Variants in CNOT4 observed in about 807,000 individuals in gnomAD.
CNOT4 encodes the protein CCR4-associated factor 4.
A neutral mutation model predicts 73.8 loss-of-function variants in CNOT4; 8 were observed. The ratio of observed to expected loss-of-function variants is 0.11; its 90% CI spans 0.06 to 0.20. The LOEUF (loss-of-function observed/expected upper bound fraction) is 0.20. Among genes scored for constraint, CNOT4 ranks in the 10% least tolerant of loss-of-function variants. The pLI is 1.00. For missense variants in CNOT4, 564 were observed against 883.4 expected, an observed-to-expected ratio of 0.64 and a Z score of 4.58; for synonymous variants, 293 against 321.1, an observed-to-expected ratio of 0.91 and a Z score of 0.94.
chr7:135,418,736 T>C (rs1798011674), intron 3 of CNOT4, among the ~76,000 whole-genome samples: 1 of 152,200 alleles, frequency 6.6e-6, no homozygotes, highest in South Asian at 2.1e-4. Flanking sequence ...TTATCACATA[T>C]ACCCAGGGCA....
At chr7:135,421,927 C>T (rs1798218000) in intron 3 of CNOT4, among the ~76,000 whole-genome samples, 1 of 152,166 alleles carries the variant, frequency 6.6e-6, no homozygotes, top group African/African-American at 2.4e-5. Flanking sequence ...AGTTCAACTC[C>T]TTAGTTTTAG....
intron 10 of CNOT4, among the ~76,000 whole-genome samples, chr7:135,372,373 G>A (rs1310079570): frequency 6.6e-6 from 1 of 152,126 alleles, no homozygotes; most frequent in African/African-American, 2.4e-5. Context: ...TCGCTATTTT[G>A]CAAATACCAC....
At chr7:135,429,295 C>A (rs528317143) in intron 2 of CNOT4, among the ~76,000 whole-genome samples, 1 of 151,966 alleles carries the variant, frequency 6.6e-6, no homozygotes, top group Non-Finnish European at 1.5e-5. Flanking sequence ...ATCATTTTTC[C>A]CTCCTTTCAT....
chr7:135,506,858 AAAAGAAAAGAAAAAG>A (rs1804408641), intron 1 of CNOT4, among the ~76,000 whole-genome samples: 1 of 151,870 alleles, frequency 6.6e-6, no homozygotes, highest in South Asian at 2.1e-4. Context: ...AAAAAAAAAG[AAAAGAAAAGAAAAAG>A]AAAGAAAAGA....
Position 135,365,795 on chromosome 7 carries a change from T to C in CNOT4, c.1628-1729A>G, listed in dbSNP as rs558724532. On this transcript the variant is annotated intron_variant, in intron 10 of 11. Transcript: ENST00000541284. ...AGATATTGTGACTAAAGGAAGAAACTGGACTTTGCGGCCAGGAGAAAAAAA... is the reference window on the plus strand; with the variant it reads ...AGATATTGTGACTAAAGGAAGAAACCGGACTTTGCGGCCAGGAGAAAAAAA... 7.9e-5 allele frequency among the ~76,000 whole-genome samples: 12 copies of C among 152,284 alleles called. No homozygotes were observed. In the East Asian group the frequency reaches 2.1e-3, roughly 27 times the overall value.
chr7:135,476,228 AGAG>A lies in CNOT4; in HGVS notation c.-93+33658_-93+33660del, dbSNP rs1175417648. Among the ~76,000 whole-genome samples the A allele has an allele frequency of 7.9e-5, 12 of 152,286 alleles. No homozygotes were observed. In the South Asian group the frequency reaches 2.5e-3, roughly 32 times the overall value. Reference sequence around the variant, plus strand: ...CTGTTATCTTCAACGAAACTGGGAGAGAGACAGATATATAACCATGAGAAAGGA... The same window carrying A: ...CTGTTATCTTCAACGAAACTGGGAGAACAGATATATAACCATGAGAAAGGA... On this transcript the variant is annotated intron_variant, in intron 1 of 11. Transcript: ENST00000541284.
chr7:135,388,046 T>C (rs529342903), intron 10 of CNOT4: 988 of 985,418 alleles, frequency 1.0e-3, no homozygotes, highest in Non-Finnish European at 1.1e-3. Context: ...CGTATTCAAG[T>C]TTCAGATAAG....
At chr7:135,376,158 A>G (rs1405730126) in intron 10 of CNOT4, among the ~76,000 whole-genome samples, 1 of 152,236 alleles carries the variant, frequency 6.6e-6, no homozygotes, top group Non-Finnish European at 1.5e-5. Context: ...ATGCAAATGA[A>G]TCTGACTAAA....
chr7:135,463,991 T>C (rs1174414372), intron 1 of CNOT4, among the ~76,000 whole-genome samples: 2 of 117,882 alleles, frequency 1.7e-5, no homozygotes, highest in Admixed American at 2.1e-4. Context: ...AGGTATCATC[T>C]CACACCAATC....
At chr7:135,494,121 A>G (rs543218772) in intron 1 of CNOT4, among the ~76,000 whole-genome samples, 2 of 151,172 alleles carry the variant, frequency 1.3e-5, no homozygotes, top group Non-Finnish European at 2.9e-5. Context: ...GAAGTCTTTG[A>G]GAAGGTAAAG....
At chr7:135,501,923 T>C (rs1585742988) in intron 1 of CNOT4, among the ~76,000 whole-genome samples, 1 of 152,194 alleles carries the variant, frequency 6.6e-6, no homozygotes, top group Non-Finnish European at 1.5e-5. Flanking sequence ...GTTGAGGCCA[T>C]TAAAAGAGGT....
At chr7:135,416,949 G>C (rs1304467129) in intron 3 of CNOT4, among the ~76,000 whole-genome samples, 2 of 152,108 alleles carry the variant, frequency 1.3e-5, no homozygotes, top group Non-Finnish European at 2.9e-5. Flanking sequence ...TATTGAGCCA[G>C]AAACAAATTT....
chr7:135,365,630 C>A (rs146062896), intron 10 of CNOT4, among the ~76,000 whole-genome samples: 1 of 152,032 alleles, frequency 6.6e-6, no homozygotes, highest in Non-Finnish European at 1.5e-5. Flanking sequence ...CTTACTCTCT[C>A]GATCTACTCT....
At chr7:135,406,527 G>A (rs539289707) in intron 7 of CNOT4, among the ~76,000 whole-genome samples, 3 of 152,100 alleles carry the variant, frequency 2.0e-5, no homozygotes, top group Middle Eastern at 3.4e-3. Context: ...TGGGTGTGTT[G>A]ATGTGCACCT....
chr7:135,388,085 A>G (rs1796212902), intron 10 of CNOT4: 1 of 985,248 alleles, frequency 1.0e-6, no homozygotes, highest in Admixed American at 6.1e-5. Context: ...TCTGTTTTTG[A>G]GGCATTTCCT....
intron 1 of CNOT4, among the ~76,000 whole-genome samples, chr7:135,441,386 T>TA (rs1799471864): frequency 6.6e-6 from 1 of 151,344 alleles, no homozygotes; most frequent in Admixed American, 6.6e-5. Context: ...TGTGAATCTA[T>TA]AATTATTTCA....
intron 10 of CNOT4, chr7:135,388,959 T>C (rs1563019366): frequency 2.0e-6 from 3 of 1,502,894 alleles, no homozygotes; most frequent in Non-Finnish European, 2.7e-6. Context: ...CCTTTAAAAA[T>C]GATTTCAATA....
At chr7:135,455,758 C>T (rs955604231) in intron 1 of CNOT4, among the ~76,000 whole-genome samples, 2 of 151,976 alleles carry the variant, frequency 1.3e-5, no homozygotes, top group African/African-American at 4.8e-5. Context: ...CCTGTAGTCC[C>T]AATTATTTGA....
chr7:135,480,783 T>A (rs1378756810), intron 1 of CNOT4, among the ~76,000 whole-genome samples: 2 of 151,882 alleles, frequency 1.3e-5, no homozygotes, highest in Admixed American at 1.3e-4. Context: ...TTAATTCATG[T>A]AATTCCACAT....
Sources: gnomAD v4.1 joint callset for allele counts (sites outside exome capture counted in the v4.1 genomes callset) on GRCh38, gnomAD v4.1.1 for gene constraint, MANE v1.5 for transcripts, NCBI Gene and HGNC (gene_info 2026-07-23, HGNC 2026-07-21) for gene names.